DDX10: variants seen among roughly 807,000 people sequenced by gnomAD.
DDX10 encodes the protein DEAD-box helicase 10.
In DDX10, 74 loss-of-function variants were observed where a neutral mutation model predicts 104.3. That is an observed-to-expected ratio of 0.71 (90% CI 0.59 to 0.86). DDX10 has a LOEUF of 0.86. DDX10 is among the 40% of genes least tolerant of loss of function. DDX10 has a pLI of 0.00. For missense variants in DDX10, 952 were observed against 1,040.0 expected, an observed-to-expected ratio of 0.92 and a Z score of 1.16; for synonymous variants, 351 against 353.4, an observed-to-expected ratio of 0.99 and a Z score of 0.08.
intron 13 of DDX10, among the ~76,000 whole-genome samples, chr11:108,760,012 A>G (rs1386871485): frequency 2.0e-5 from 3 of 151,918 alleles, no homozygotes; most frequent in Non-Finnish European, 4.4e-5. Context: ...TTAAAAAAAA[A>G]AAAAGAATCT....
intron 13 of DDX10, among the ~76,000 whole-genome samples, chr11:108,759,204 AT>A (rs1228508780): frequency 6.6e-6 from 1 of 152,120 alleles, no homozygotes; most frequent in African/African-American, 2.4e-5. Flanking sequence ...TATTTAAATT[AT>A]TTTTAATTAT....
rs1226284567 is a variant in DDX10, at chr11:108,689,443, T to C, written c.975+381T>C. Among the ~76,000 whole-genome samples the C allele has an allele frequency of 2.0e-5, 3 of 152,348 alleles. No individual in the cohort carries two copies. In the East Asian group the frequency reaches 5.8e-4, roughly 29 times the overall value. Reference sequence around the variant, plus strand: ...ATATCTTTGTTTATGCTGATCTGTCTGGAATGCCCTCCCTGCATCTCTTCA... The same window carrying C: ...ATATCTTTGTTTATGCTGATCTGTCCGGAATGCCCTCCCTGCATCTCTTCA... On this transcript the variant is annotated intron_variant, in intron 7 of 17. Transcript: ENST00000322536.
intron 16 of DDX10, among the ~76,000 whole-genome samples, chr11:108,892,843 A>G (rs1359029267): frequency 2.0e-5 from 3 of 152,150 alleles, no homozygotes; most frequent in South Asian, 4.1e-4. Flanking sequence ...AATTTAGTCC[A>G]AGTTTCCTTA....
intron 13 of DDX10, among the ~76,000 whole-genome samples, chr11:108,763,648 C>T (rs1591812114): frequency 6.6e-6 from 1 of 152,272 alleles, no homozygotes; most frequent in South Asian, 2.1e-4. Flanking sequence ...TACAACTAAA[C>T]TCATTTGATG....
chr11:108,788,365 T>TC (rs1474839089), intron 13 of DDX10, among the ~76,000 whole-genome samples: 1 of 152,022 alleles, frequency 6.6e-6, no homozygotes, highest in Non-Finnish European at 1.5e-5. Context: ...AGCTAGATTT[T>TC]TTTTTTTCTT....
chr11:108,706,826 G>A lies in DDX10; in HGVS notation c.1311G>A (p.Val437=), dbSNP rs1370351838. The A allele has an allele frequency of 6.2e-7, 1 of 1,613,506 alleles. No individual in the cohort carries two copies. Among genetic ancestry groups the A allele is most frequent in the Non-Finnish European group, 8.5e-7 (1 of 1,179,602 alleles). The change falls in exon 10 of 18, where the codon GTG becomes GTA. Residue 437 remains valine (V), a synonymous_variant. Coordinates refer to ENST00000322536, the MANE Select transcript of DDX10 (RefSeq NM_004398.4). ...VQQLLQKKVP[V]KEIKINPEKL... ...AGCTTCTTCAGAAGAAAGTACCTGT[G>A]AAGGAAATCAAGTAAGAGCTACTTG... is the stretch of plus-strand genomic sequence containing the variant.
intron 13 of DDX10, among the ~76,000 whole-genome samples, chr11:108,732,059 CTG>C (rs1027778190): frequency 1.3e-4 from 20 of 152,190 alleles, no homozygotes; most frequent in African/African-American, 4.8e-4. Flanking sequence ...TCTTGTCTCT[CTG>C]GAAAAAGAAG....
chr11:108,940,599 A>G lies in DDX10; in HGVS notation c.*176A>G. 2 of 581,532 alleles carry G rather than the reference A, an allele frequency of 3.4e-6. No homozygotes were observed. Among genetic ancestry groups the G allele is most frequent in the Non-Finnish European group, 5.9e-6 (2 of 338,130 alleles). The allele number at this position is 581,532 out of a possible 1,614,324, so 36.0% of individuals were successfully genotyped here. A position where few individuals can be genotyped will look rare whatever the true frequency, so the allele number is the denominator to read the frequency against. Reference sequence around the variant, plus strand: ...CCTCTCACAGGACATGCTTTGTGCCATCACTGAGCATACTCAGATCGAGGG... The same window carrying G: ...CCTCTCACAGGACATGCTTTGTGCCGTCACTGAGCATACTCAGATCGAGGG... On this transcript the variant is annotated 3_prime_UTR_variant, in exon 18 of 18. Coordinates refer to ENST00000322536, the MANE Select transcript of DDX10 (RefSeq NM_004398.4).
chr11:108,786,420 T>A (rs115514833), intron 13 of DDX10, among the ~76,000 whole-genome samples: 289 of 152,328 alleles, frequency 1.9e-3, no homozygotes, highest in African/African-American at 6.4e-3. Flanking sequence ...TCTGCTTCAG[T>A]GATCTGTCTA....
intron 13 of DDX10, among the ~76,000 whole-genome samples, chr11:108,815,354 C>T (rs1365457657): frequency 1.3e-5 from 2 of 151,868 alleles, no homozygotes; most frequent in African/African-American, 4.8e-5. Context: ...TACAGTCATC[C>T]CTTGGCATAT....
At chr11:108,812,522 A>G (rs1463944888) in intron 13 of DDX10, among the ~76,000 whole-genome samples, 1 of 152,196 alleles carries the variant, frequency 6.6e-6, no homozygotes, top group South Asian at 2.1e-4. Flanking sequence ...AAATATATTT[A>G]AGCTATAATA....
intron 16 of DDX10, among the ~76,000 whole-genome samples, chr11:108,881,791 A>T (rs1863230340): frequency 6.6e-6 from 1 of 152,176 alleles, no homozygotes; most frequent in Non-Finnish European, 1.5e-5. Context: ...GTTTATCAGG[A>T]TGCAACCCCT....
intron 13 of DDX10, among the ~76,000 whole-genome samples, chr11:108,801,327 A>T (rs895592287): frequency 2.6e-5 from 4 of 152,298 alleles, no homozygotes; most frequent in South Asian, 2.1e-4. Flanking sequence ...GTAGTTTTCT[A>T]TTCTGTTGGC....
At chr11:108,829,224 A>G (rs1409373870) in intron 13 of DDX10, among the ~76,000 whole-genome samples, 1 of 152,206 alleles carries the variant, frequency 6.6e-6, no homozygotes. Context: ...CCAACACTGT[A>G]AAAGTGTTCT....
intron 9 of DDX10, among the ~76,000 whole-genome samples, chr11:108,701,304 C>T (rs1171337209): frequency 6.6e-6 from 1 of 152,092 alleles, no homozygotes; most frequent in Non-Finnish European, 1.5e-5. Flanking sequence ...GCACTGTTCT[C>T]CCCCAGTGAC....
At chr11:108,687,855 T>G (rs1055021002) in intron 6 of DDX10, among the ~76,000 whole-genome samples, 1 of 152,168 alleles carries the variant, frequency 6.6e-6, no homozygotes, top group Non-Finnish European at 1.5e-5. Context: ...TGACTTGTAG[T>G]TTTTGGTTTG....
chr11:108,889,115 T>G (rs950098261), intron 16 of DDX10, among the ~76,000 whole-genome samples: 3 of 152,204 alleles, frequency 2.0e-5, no homozygotes, highest in African/African-American at 7.2e-5. Context: ...TTCAGGATCT[T>G]ACAGTGTTTC....
At chr11:108,915,949 T>TAA (rs34651677) in intron 16 of DDX10, among the ~76,000 whole-genome samples, 5 of 127,698 alleles carry the variant, frequency 3.9e-5, no homozygotes, top group South Asian at 2.5e-4. Context: ...TGCAAAAATG[T>TAA]AAAAAAAAAA....
intron 6 of DDX10, among the ~76,000 whole-genome samples, chr11:108,684,526 G>A (rs1234631025): frequency 6.7e-6 from 1 of 149,590 alleles, no homozygotes; most frequent in Non-Finnish European, 1.5e-5. Context: ...CAAAGGACAT[G>A]AACTCATCAG....
Sources: gnomAD v4.1 joint callset for allele counts (sites outside exome capture counted in the v4.1 genomes callset) on GRCh38, gnomAD v4.1.1 for gene constraint, MANE v1.5 for transcripts, NCBI Gene and HGNC (gene_info 2026-07-23, HGNC 2026-07-21) for gene names.